CDH2: variants seen among roughly 807,000 people sequenced by gnomAD.
CDH2 encodes the protein cadherin 2.
A neutral mutation model predicts 92.0 loss-of-function variants in CDH2; 17 were observed. The ratio of observed to expected loss-of-function variants is 0.18; its 90% CI spans 0.13 to 0.28. The LOEUF is 0.28. Among genes scored for constraint, CDH2 ranks in the 10% least tolerant of loss-of-function variants. The pLI, the probability that CDH2 is intolerant of heterozygous loss-of-function variation, is 1.00. For missense variants in CDH2, 862 were observed against 1,133.1 expected (o/e 0.76, Z 3.44); for synonymous variants, 419 against 415.9 (o/e 1.01, Z -0.09).
At chr18:28,010,143 A>T (rs2144029604) in intron 4 of CDH2, among the ~76,000 whole-genome samples, 1 of 152,332 alleles carries the variant, frequency 6.6e-6, no homozygotes, top group South Asian at 2.1e-4. Flanking sequence ...CAAATCTACA[A>T]GTGAGAGTTT....
At chr18:28,135,404 G>C (rs747701385) in intron 2 of CDH2, among the ~76,000 whole-genome samples, 13 of 152,100 alleles carry the variant, frequency 8.5e-5, no homozygotes, top group Non-Finnish European at 1.8e-4. Context: ...TGTTGTTTGA[G>C]ATGGGTTAAA....
At chr18:28,072,113 C>T (rs2014629459) in intron 2 of CDH2, among the ~76,000 whole-genome samples, 1 of 152,050 alleles carries the variant, frequency 6.6e-6, no homozygotes, top group African/African-American at 2.4e-5. Context: ...CCCCATGCAC[C>T]TTGTCCCCAA....
At chr18:28,060,868 T>C (rs938786057) in intron 2 of CDH2, among the ~76,000 whole-genome samples, 1 of 152,200 alleles carries the variant, frequency 6.6e-6, no homozygotes, top group Non-Finnish European at 1.5e-5. Flanking sequence ...ATACTCATTG[T>C]TTTCGGGCAT....
At chr18:28,008,202 A>T (rs1464354350) in intron 5 of CDH2, among the ~76,000 whole-genome samples, 5 of 152,240 alleles carry the variant, frequency 3.3e-5, no homozygotes, top group Admixed American at 6.5e-5. Context: ...ATATTCATAA[A>T]TTAGAAATTA....
At chr18:28,065,433 A>G (rs1261864212) in intron 2 of CDH2, among the ~76,000 whole-genome samples, 2 of 152,204 alleles carry the variant, frequency 1.3e-5, no homozygotes, top group Non-Finnish European at 2.9e-5. Flanking sequence ...CTACATGTTA[A>G]CAAGAATCCC....
At chr18:28,091,126 G>T (rs1304117067) in intron 2 of CDH2, among the ~76,000 whole-genome samples, 1 of 152,200 alleles carries the variant, frequency 6.6e-6, no homozygotes, top group East Asian at 1.9e-4. Context: ...GCCAAAAGAA[G>T]AAAGTAAACT....
chr18:28,167,844 G>A (rs1030598288), intron 1 of CDH2, among the ~76,000 whole-genome samples: 23 of 152,108 alleles, frequency 1.5e-4, no homozygotes, highest in Admixed American at 1.2e-3. Context: ...GAACTCAATC[G>A]TAAAGGTGTT....
intron 1 of CDH2, among the ~76,000 whole-genome samples, chr18:28,175,350 T>C (rs45551935): frequency 6.6e-6 from 1 of 151,934 alleles, no homozygotes; most frequent in Non-Finnish European, 1.5e-5. Context: ...GAAAGACCGG[T>C]AGGAGACTAA....
At chr18:28,013,429 T>G (rs552344112) in intron 3 of CDH2, among the ~76,000 whole-genome samples, 1 of 152,224 alleles carries the variant, frequency 6.6e-6, no homozygotes, top group Admixed American at 6.5e-5. Context: ...TAAAACAAAC[T>G]GCTTCTAACT....
intron 2 of CDH2, among the ~76,000 whole-genome samples, chr18:28,073,201 T>C (rs1350052428): frequency 6.6e-6 from 1 of 152,146 alleles, no homozygotes; most frequent in Admixed American, 6.6e-5. Flanking sequence ...TATTAGTAAA[T>C]GAAATATTTA....
intron 2 of CDH2, among the ~76,000 whole-genome samples, chr18:28,042,218 T>C (rs141098394): frequency 1.3e-5 from 2 of 152,354 alleles, no homozygotes; most frequent in African/African-American, 4.8e-5. Context: ...ATTTTGCTTA[T>C]TCATAGACAA....
intron 2 of CDH2, among the ~76,000 whole-genome samples, chr18:28,113,495 TGAAAAAAA>T (rs1279327819): frequency 2.7e-5 from 4 of 147,738 alleles, no homozygotes; most frequent in African/African-American, 9.9e-5. Context: ...AAAAAGATGA[TGAAAAAAA>T]GAAATATGTT....
chr18:27,966,803 G>A (rs1480372071), intron 14 of CDH2, among the ~76,000 whole-genome samples: 2 of 152,088 alleles, frequency 1.3e-5, no homozygotes, highest in African/African-American at 2.4e-5. Flanking sequence ...CAGAGAGCAG[G>A]AAGAGTCTTA....
intron 9 of CDH2, among the ~76,000 whole-genome samples, chr18:27,992,313 C>T (rs2012441409): frequency 6.6e-6 from 1 of 152,096 alleles, no homozygotes; most frequent in African/African-American, 2.4e-5. Flanking sequence ...TTGTTCAGGC[C>T]AGTCCTATCC....
intron 14 of CDH2, among the ~76,000 whole-genome samples, chr18:27,968,418 G>C (rs776654534): frequency 2.0e-5 from 3 of 152,202 alleles, no homozygotes; most frequent in Non-Finnish European, 4.4e-5. Context: ...TGAAGTGCTG[G>C]AGGGGGGAGT....
At chr18:27,989,954 A>T (rs2012357004) in intron 10 of CDH2, 143 bp downstream of exon 10, 2 of 670,100 alleles carry the variant, frequency 3.0e-6, no homozygotes, top group Non-Finnish European at 2.4e-6. Flanking sequence ...ACTGAGAAGA[A>T]AATTCAAAGA....
rs552050418 is a variant in CDH2 at position 28,153,599 on chromosome 18, C to T, written c.61-5815G>A. Among the ~76,000 whole-genome samples the T allele has an allele frequency of 1.4e-4, 21 of 152,346 alleles. 1 individual carries two copies. The South Asian group carries it at 4.3e-3, about 32-fold the overall frequency. The stretch of plus-strand genomic sequence containing the variant: ...GCTCTTAAGAAGAGCAGAGTGACTG[C>T]AGCATGAACTTCCAACAGGTCAGAC... On this transcript the variant is annotated intron_variant, in intron 1 of 15. Coordinates refer to ENST00000269141, the MANE Select transcript of CDH2 (RefSeq NM_001792.5).
intron 6 of CDH2, among the ~76,000 whole-genome samples, chr18:28,003,766 T>G (rs983291552): frequency 5.3e-5 from 8 of 152,248 alleles, no homozygotes; most frequent in African/African-American, 1.9e-4. Context: ...AAAAGAACAT[T>G]GGAACCAACT....
At chr18:27,984,144 T>C (rs564327630) in intron 13 of CDH2, among the ~76,000 whole-genome samples, 8 of 152,344 alleles carry the variant, frequency 5.3e-5, no homozygotes, top group African/African-American at 1.9e-4. Context: ...ACTTCTATAG[T>C]AATTGCTTAG....
Sources: gnomAD v4.1 joint callset for allele counts (sites outside exome capture counted in the v4.1 genomes callset) on GRCh38, gnomAD v4.1.1 for gene constraint, MANE v1.5 for transcripts, NCBI Gene and HGNC (gene_info 2026-07-23, HGNC 2026-07-21) for gene names.